The following ASCC3 variants were observed in gnomAD, a reference collection of about 807,000 sequenced individuals.
The protein encoded by ASCC3 is activating signal cointegrator 1 complex subunit 3, also known as ASC-1 complex subunit P200.
In ASCC3, 158 loss-of-function variants were observed where a neutral mutation model predicts 256.3. The observed-to-expected ratio is 0.62, with a 90% CI of 0.54 to 0.70. The LOEUF (loss-of-function observed/expected upper bound fraction) is 0.70, where lower values mean the gene tolerates loss of function less well. Among genes scored for constraint, ASCC3 ranks in the 30% least tolerant of loss-of-function variants. ASCC3 has a pLI of 0.00. For missense variants in ASCC3, 2,259 were observed against 2,626.0 expected (o/e 0.86, Z 3.05); for synonymous variants, 948 against 883.4 (o/e 1.07, Z -1.30).
chr6:100,860,898 A>G (rs1773193883), intron 3 of ASCC3, among the ~76,000 whole-genome samples: 1 of 152,122 alleles, frequency 6.6e-6, no homozygotes, highest in Non-Finnish European at 1.5e-5. Context: ...TCAACTCATA[A>G]AGGAGTTTTA....
Position 100,540,278 on chromosome 6 carries a change from G to C in ASCC3, c.5660C>G (p.Pro1887Arg). ...TAGCAGGAGATGTGCTTTGGTGTGA[G>C]GGCTGTCAAATGAATGAGGATTTGA... ...IESNPHSFDS[P>R]HTKAHLLLQA... is the part of the protein sequence containing the mutation. Residue 1887 changes from proline to arginine, a missense_variant, in exon 37 of 42, where the codon CCT becomes CGT. This residue lies in a region of ASCC3 where 1,839 missense variants were observed against 2,206.7 expected (regional missense o/e 0.83). Transcript: ENST00000369162. 1.2e-6 allele frequency: 2 copies of C among 1,613,874 alleles called. No homozygotes were observed. The highest frequency in any genetic ancestry group is 1.7e-6 in the Non-Finnish European group (2 of 1,179,946).
At chr6:100,541,293 TA>T (rs554667429) in intron 36 of ASCC3, among the ~76,000 whole-genome samples, 1,917 of 134,330 alleles carry the variant, frequency 0.014, 13 homozygotes, top group African/African-American at 0.03. Flanking sequence ...TCCAAAAAAT[TA>T]AAAAAAAAAA....
At chr6:100,810,894 T>C (rs1281258883) in intron 4 of ASCC3, among the ~76,000 whole-genome samples, 3 of 152,080 alleles carry the variant, frequency 2.0e-5, no homozygotes, top group Non-Finnish European at 2.9e-5. Flanking sequence ...TATTGACAGA[T>C]CTGTGAAAAA....
chr6:100,608,416 ATATATATTT>A (rs1427803884), intron 30 of ASCC3, among the ~76,000 whole-genome samples: 5 of 74,864 alleles, frequency 6.7e-5, no homozygotes, highest in Admixed American at 2.5e-4. Flanking sequence ...TATATACCTT[ATATATATTT>A]TATATATATA....
At position 100,661,826 on chromosome 6, in the gene ASCC3, C is replaced by T; in HGVS notation, c.2683G>A (p.Ala895Thr). The stretch of plus-strand genomic sequence containing the variant: ...CTTACCTCTGCATTTAGGTTATCTG[C>T]AAGGCTTTCCAGAAACTGACTCTCA... ...PIESQFLESLADNLNAEIALG... is the reference protein window; with the variant it reads ...PIESQFLESLTDNLNAEIALG... Residue 895 changes from alanine to threonine, a missense_variant, in exon 16 of 42, where the codon GCA becomes ACA. Transcript: ENST00000369162. 6.2e-7 allele frequency: 1 copy of T among 1,613,088 alleles called. No individual in the cohort carries two copies. The highest frequency in any genetic ancestry group is 2.2e-5 in the East Asian group (1 of 44,832).
chr6:100,877,545 C>T (rs963758402), intron 1 of ASCC3, among the ~76,000 whole-genome samples: 1 of 152,086 alleles, frequency 6.6e-6, no homozygotes, highest in African/African-American at 2.4e-5. Flanking sequence ...TATGCGATTT[C>T]AAAAGGGGGT....
intron 5 of ASCC3, among the ~76,000 whole-genome samples, chr6:100,800,735 A>G (rs760407121): frequency 6.6e-5 from 10 of 151,932 alleles, no homozygotes; most frequent in Non-Finnish European, 1.2e-4. Context: ...CCTACAGACT[A>G]AACAGTTCAA....
chr6:100,774,083 T>C (rs1242203792), intron 8 of ASCC3, among the ~76,000 whole-genome samples: 1 of 152,212 alleles, frequency 6.6e-6, no homozygotes, highest in Non-Finnish European at 1.5e-5. Context: ...CTAAGTTCTG[T>C]CAATACAAAT....
chr6:100,696,376 G>A (rs540774499), intron 13 of ASCC3, among the ~76,000 whole-genome samples: 5 of 151,856 alleles, frequency 3.3e-5, no homozygotes, highest in African/African-American at 4.8e-5. Flanking sequence ...ATCAGATTTC[G>A]TTGGCACATA....
chr6:100,661,611 T>C (rs1319251439), intron 16 of ASCC3, among the ~76,000 whole-genome samples, 195 bp downstream of exon 16: 1 of 151,904 alleles, frequency 6.6e-6, no homozygotes, highest in Non-Finnish European at 1.5e-5. Context: ...TAACAATAGA[T>C]TTTTATCAGT....
chr6:100,732,996 G>A (rs1415828612), intron 10 of ASCC3, among the ~76,000 whole-genome samples: 5 of 152,086 alleles, frequency 3.3e-5, no homozygotes, highest in Admixed American at 6.6e-5. Context: ...TTTGCTATTG[G>A]TTTTGAAGTG....
chr6:100,535,650 G>T (rs1582406259), intron 37 of ASCC3, among the ~76,000 whole-genome samples: 1 of 151,888 alleles, frequency 6.6e-6, no homozygotes, highest in African/African-American at 2.4e-5. Context: ...TGTATTTTTA[G>T]TAGAGATGGG....
chr6:100,512,394 A>C (rs1369268104), intron 40 of ASCC3, among the ~76,000 whole-genome samples: 2 of 152,304 alleles, frequency 1.3e-5, no homozygotes, highest in African/African-American at 4.8e-5. Flanking sequence ...TGATTCAGCC[A>C]GTCTGGAGTG....
chr6:100,585,319 T>C (rs1349658728), intron 36 of ASCC3, among the ~76,000 whole-genome samples: 1 of 152,210 alleles, frequency 6.6e-6, no homozygotes, highest in Non-Finnish European at 1.5e-5. Flanking sequence ...TCTCGCTTCA[T>C]TTCATTAATT....
At chr6:100,808,287 A>T (rs1005924246) in intron 4 of ASCC3, among the ~76,000 whole-genome samples, 1 of 31,520 alleles carries the variant, frequency 3.2e-5, no homozygotes, top group Non-Finnish European at 5.9e-5. Context: ...ATACATGGGT[A>T]AAAAAATCCA....
intron 4 of ASCC3, among the ~76,000 whole-genome samples, chr6:100,841,723 A>G (rs1772152118): frequency 6.6e-6 from 1 of 152,100 alleles, no homozygotes; most frequent in African/African-American, 2.4e-5. Flanking sequence ...AACATAACCC[A>G]TCATATGTCT....
chr6:100,817,714 A>T (rs1168970686), intron 4 of ASCC3, among the ~76,000 whole-genome samples: 1 of 152,056 alleles, frequency 6.6e-6, no homozygotes, highest in Non-Finnish European at 1.5e-5. Context: ...CACTACCAAA[A>T]CCAACTCAAG....
chr6:100,587,366 A>G (rs1187571848), intron 36 of ASCC3, among the ~76,000 whole-genome samples: 1 of 152,168 alleles, frequency 6.6e-6, no homozygotes, highest in South Asian at 2.1e-4. Context: ...TTACACCACA[A>G]TTATACAATC....
At chr6:100,568,324 C>T (rs753233324) in intron 36 of ASCC3, among the ~76,000 whole-genome samples, 6 of 150,816 alleles carry the variant, frequency 4.0e-5, no homozygotes, top group Admixed American at 6.6e-5. Context: ...GCAGAGATCA[C>T]GCCACTGCAC....
Sources: allele counts gnomAD v4.1 joint callset (sites outside exome capture counted in the v4.1 genomes callset), GRCh38; gene constraint gnomAD v4.1.1; regional missense constraint gnomAD v4.1.1; transcripts MANE v1.5; gene names NCBI Gene and HGNC (gene_info 2026-07-23, HGNC 2026-07-21).